The following SLCO1A2 variants were observed in gnomAD, a reference collection of about 807,000 sequenced individuals.
SLCO1A2 encodes the protein OATP-1.
In SLCO1A2, 67 loss-of-function variants were observed where a neutral mutation model predicts 69.0. The ratio of observed to expected loss-of-function variants is 0.97; its 90% confidence interval spans 0.80 to 1.19. SLCO1A2 has a LOEUF of 1.19. Ranked by LOEUF, SLCO1A2 falls within the 50% of genes most tolerant of loss-of-function variation. The pLI is 0.00. For missense variants in SLCO1A2, 787 were observed against 793.7 expected, an observed-to-expected ratio of 0.99 and a Z score of 0.10; for synonymous variants, 260 against 265.9, an observed-to-expected ratio of 0.98 and a Z score of 0.22.
At chr12:21,381,600 AT>A (rs1940591561) in intron 1 of SLCO1A2, among the ~76,000 whole-genome samples, 1 of 152,086 alleles carries the variant, frequency 6.6e-6, no homozygotes. Flanking sequence ...GATGGAGACC[AT>A]TCCGGCCAAC....
intron 12 of SLCO1A2, among the ~76,000 whole-genome samples, chr12:21,279,419 C>A (rs1251664999): frequency 6.6e-6 from 1 of 152,030 alleles, no homozygotes; most frequent in Non-Finnish European, 1.5e-5. Context: ...ATAAACCCCG[C>A]AAGGTCATGT....
chr12:21,275,941 CA>C (rs200829780), intron 12 of SLCO1A2, among the ~76,000 whole-genome samples: 12,690 of 140,164 alleles, frequency 0.091, 851 homozygotes, highest in East Asian at 0.36. Flanking sequence ...CACTCCATCT[CA>C]AAAAAAAAAA....
intron 1 of SLCO1A2, among the ~76,000 whole-genome samples, chr12:21,415,281 T>C (rs964519531): frequency 6.6e-6 from 1 of 152,128 alleles, no homozygotes; most frequent in Non-Finnish European, 1.5e-5. Context: ...CATACTACCA[T>C]TATCTAGACT....
At chr12:21,308,951 A>G (rs1466208306) in intron 4 of SLCO1A2, among the ~76,000 whole-genome samples, 1 of 152,232 alleles carries the variant, frequency 6.6e-6, no homozygotes, top group Admixed American at 6.5e-5. Flanking sequence ...CAAATAAAAA[A>G]ACGGTACACT....
rs576652818 is a variant in SLCO1A2, at chr12:21,288,915, T to C, written c.1610+3249A>G. Among the ~76,000 whole-genome samples the C allele has an allele frequency of 9.2e-5, 14 of 151,828 alleles. No homozygotes were observed. In the South Asian group the frequency reaches 1.2e-3, roughly 13 times the overall value. Reference sequence around the variant, plus strand: ...ATTTTAATTATATGCTATGTAATTATAATCTAGATATAAAATTTATATTTG... The same window carrying C: ...ATTTTAATTATATGCTATGTAATTACAATCTAGATATAAAATTTATATTTG... On this transcript the variant is annotated intron_variant, in intron 12 of 14. Coordinates refer to ENST00000683939, the MANE Select transcript of SLCO1A2 (RefSeq NM_001386879.1).
chr12:21,274,475 G>C lies in SLCO1A2; in HGVS notation c.1787C>G (p.Thr596Ser). The C allele has an allele frequency of 1.9e-6, 3 of 1,592,278 alleles. No individual in the cohort carries two copies. The highest frequency in any genetic ancestry group is 2.6e-6 in the Non-Finnish European group (3 of 1,160,326). ...AACAAATTATTATCTTTACCTGAAG[G>C]TGGTGGAATCATATATCCTGCATGC... ...SGACRIYDST[T>S]FRYIYLGLPA... is the part of the protein sequence containing the mutation. The change falls in exon 14 of 15, where the codon ACC (threonine) becomes AGC (serine). Residue 596 changes from threonine to serine, a missense_variant. Coordinates refer to ENST00000683939, the MANE Select transcript of SLCO1A2 (RefSeq NM_001386879.1).
chr12:21,289,273 C>T lies in SLCO1A2; in HGVS notation c.1610+2891G>A, dbSNP rs1388787192. Among the ~76,000 whole-genome samples, 5 of 150,990 alleles carry T rather than the reference C, an allele frequency of 3.3e-5. No homozygotes were observed. In the East Asian group the frequency reaches 5.9e-4, roughly 18 times the overall value. On this transcript the variant is annotated intron_variant, in intron 12 of 14. Transcript: ENST00000683939. ...TGGTCTTTGTCCCTAGCTTCTGACA[C>T]GTGTCCTTGGAGTTCTTAGAATTCC...
chr12:21,321,078 TC>T (rs1373179973), intron 2 of SLCO1A2, among the ~76,000 whole-genome samples: 1 of 152,120 alleles, frequency 6.6e-6, no homozygotes, highest in Admixed American at 6.6e-5. Flanking sequence ...ACTTCCTGAT[TC>T]CCAAATATCC....
chr12:21,377,989 AAAGG>A (rs1940325738), intron 1 of SLCO1A2, among the ~76,000 whole-genome samples: 1 of 152,206 alleles, frequency 6.6e-6, no homozygotes, highest in South Asian at 2.1e-4. Context: ...CTGAATTTCC[AAAGG>A]AAGACTTTTA....
chr12:21,332,008 C>T (rs1952649569), intron 2 of SLCO1A2, among the ~76,000 whole-genome samples: 1 of 152,040 alleles, frequency 6.6e-6, no homozygotes, highest in African/African-American at 2.4e-5. Context: ...GTCAGGGGCA[C>T]CTCCACTCAG....
chr12:21,303,227 T>C (rs181062302), intron 6 of SLCO1A2, among the ~76,000 whole-genome samples: 1 of 150,926 alleles, frequency 6.6e-6, no homozygotes, highest in Non-Finnish European at 1.5e-5. Flanking sequence ...CATTTTAATA[T>C]GTATAGAGAT....
intron 1 of SLCO1A2, among the ~76,000 whole-genome samples, chr12:21,386,543 C>A (rs1208301338): frequency 6.6e-6 from 1 of 152,088 alleles, no homozygotes; most frequent in Non-Finnish European, 1.5e-5. Context: ...AATTACCCTG[C>A]ACTTCTCTCT....
At chr12:21,406,917 C>T (rs1392001528) in intron 1 of SLCO1A2, among the ~76,000 whole-genome samples, 1 of 152,130 alleles carries the variant, frequency 6.6e-6, no homozygotes, top group Non-Finnish European at 1.5e-5. Context: ...CCACAGAAAA[C>T]ATATGGTAGT....
chr12:21,359,372 A>C (rs1355199562), intron 2 of SLCO1A2, among the ~76,000 whole-genome samples: 1 of 152,116 alleles, frequency 6.6e-6, no homozygotes, highest in Non-Finnish European at 1.5e-5. Context: ...CCTCAACTTG[A>C]CTATTCACTC....
chr12:21,399,853 T>C (rs1439502791), upstream of SLCO1A2, among the ~76,000 whole-genome samples: 415 of 145,786 alleles, frequency 2.8e-3, 1 homozygote, highest in Non-Finnish European at 4.5e-3. Context: ...ATCCCTTCCT[T>C]ACACCTTATA....
intron 1 of SLCO1A2, chr12:21,378,190 C>T (rs764823776): frequency 6.4e-7 from 1 of 1,554,830 alleles, no homozygotes; most frequent in Non-Finnish European, 8.9e-7. Context: ...CTGGATCCAG[C>T]TAAAATTCTA....
At chr12:21,371,928 G>A (rs1591893048) in intron 2 of SLCO1A2, among the ~76,000 whole-genome samples, 1 of 151,916 alleles carries the variant, frequency 6.6e-6, no homozygotes, top group Non-Finnish European at 1.5e-5. Flanking sequence ...CTTGAACCCG[G>A]GAGGCACAGG....
intron 1 of SLCO1A2, chr12:21,379,359 T>C (rs1015093338): frequency 6.6e-6 from 1 of 152,250 alleles, no homozygotes; most frequent in Non-Finnish European, 1.5e-5. Flanking sequence ...CTATTAAATG[T>C]ATATGTCATT....
rs186165930 is a variant in SLCO1A2 at position 21,380,972 on chromosome 12, T to C, written c.-189-6447A>G. 3.2e-3 allele frequency among the ~76,000 whole-genome samples: 479 copies of C among 149,444 alleles called. 3 individuals are homozygous for C. The highest frequency in any genetic ancestry group is 0.011 in the African/African-American group (435 of 40,538). On this transcript the variant is annotated intron_variant, in intron 1 of 15. Transcript: ENST00000307378. ...ATTGTCTCTCTAAAATAATAACTGG[T>C]CGTAGCCAGCACCAGAGAAAGGTAG... is the stretch of plus-strand genomic sequence containing the variant.
Sources: gnomAD v4.1 joint callset for allele counts (sites outside exome capture counted in the v4.1 genomes callset) on GRCh38, gnomAD v4.1.1 for gene constraint, MANE v1.5 for transcripts, NCBI Gene and HGNC (gene_info 2026-07-23, HGNC 2026-07-21) for gene names.